The following NUDT3 variants were observed in gnomAD, a reference collection of about 807,000 sequenced individuals.
The protein encoded by NUDT3 is diphosphoinositol polyphosphate phosphohydrolase 1.
Under a neutral mutation model 23.6 loss-of-function variants are expected in NUDT3, and 9 were observed. The ratio of observed to expected loss-of-function variants is 0.38; its 90% confidence interval spans 0.23 to 0.66. The LOEUF is 0.66. Among genes scored for constraint, NUDT3 ranks in the 30% least tolerant of loss-of-function variants. The probability of loss-of-function intolerance (pLI) is 0.52; values close to 1 mark genes in which losing one functional copy is unlikely to be tolerated. For missense variants in NUDT3, 172 were observed against 218.5 expected (o/e 0.79, Z 1.34); for synonymous variants, 86 against 82.6 (o/e 1.04, Z -0.22).
At chr6:34,359,607 T>A (rs1343452414) in intron 1 of NUDT3, among the ~76,000 whole-genome samples, 1 of 152,226 alleles carries the variant, frequency 6.6e-6, no homozygotes, top group East Asian at 1.9e-4. Flanking sequence ...CACCACCTCA[T>A]TCCTTATAGC....
At chr6:34,306,149 T>C (rs945254789) in intron 2 of NUDT3, among the ~76,000 whole-genome samples, 3 of 152,252 alleles carry the variant, frequency 2.0e-5, no homozygotes, top group Non-Finnish European at 4.4e-5. Flanking sequence ...TGAGATGTTT[T>C]GAAGTCTTCA....
chr6:34,308,445 C>T (rs1334537587), intron 2 of NUDT3, among the ~76,000 whole-genome samples: 3 of 141,494 alleles, frequency 2.1e-5, no homozygotes, highest in African/African-American at 5.5e-5. Context: ...TGGGAGACAG[C>T]GTGAGATCGT....
intron 1 of NUDT3, among the ~76,000 whole-genome samples, chr6:34,373,970 A>G (rs1230689602): frequency 6.6e-6 from 1 of 152,092 alleles, no homozygotes; most frequent in Non-Finnish European, 1.5e-5. Context: ...CCTGGCCAAC[A>G]TGGTGAAACC....
At chr6:34,354,765 T>C (rs1465377477) in intron 1 of NUDT3, among the ~76,000 whole-genome samples, 2 of 136,276 alleles carry the variant, frequency 1.5e-5, no homozygotes, top group Non-Finnish European at 3.3e-5. Context: ...ATTTACTTTA[T>C]ATTTGTATTT....
chr6:34,288,695 G>C lies in NUDT3; in HGVS notation c.*58C>G. 6.4e-7 allele frequency: 1 copy of C among 1,554,950 alleles called. No individual in the cohort carries two copies. Among genetic ancestry groups the C allele is most frequent in the East Asian group, 2.3e-5 (1 of 43,436 alleles). On this transcript the variant is annotated 3_prime_UTR_variant, in exon 5 of 5. Coordinates refer to ENST00000607016, the MANE Select transcript of NUDT3 (RefSeq NM_006703.4). ...AAGTGGAAAGAGCCAGGGTGAGAGGGAAGATTTGCACTTCAGTCTAGTTTC... is the reference window on the plus strand; with the variant it reads ...AAGTGGAAAGAGCCAGGGTGAGAGGCAAGATTTGCACTTCAGTCTAGTTTC...
At position 34,286,468 on chromosome 6, in the gene NUDT3, T is replaced by C. The variant is rs1340373972; in HGVS notation, c.*2285A>G. On this transcript the variant is annotated 3_prime_UTR_variant, in exon 5 of 5. Transcript: ENST00000607016. Reference sequence around the variant, plus strand: ...TAAAGGTAGAATTTATCTGGAAGAATGTGTTTTTTGAATTCCACCTGGCAC... The same window carrying C: ...TAAAGGTAGAATTTATCTGGAAGAACGTGTTTTTTGAATTCCACCTGGCAC... 1 of 152,236 alleles carries C rather than the reference T, an allele frequency of 6.6e-6. No individual in the cohort carries two copies. The highest frequency in any genetic ancestry group is 2.4e-5 in the African/African-American group (1 of 41,460). 9.4% of individuals were successfully genotyped at this position (152,236 alleles called of 1,614,324 possible). A position where few individuals can be genotyped will look rare whatever the true frequency, so the allele number is the denominator to read the frequency against.
At chr6:34,337,289 G>A (rs927691819) in intron 2 of NUDT3, among the ~76,000 whole-genome samples, 3 of 152,178 alleles carry the variant, frequency 2.0e-5, no homozygotes, top group Non-Finnish European at 4.4e-5. Context: ...CTTTAAGGCT[G>A]AGAACGGCAG....
intron 2 of NUDT3, among the ~76,000 whole-genome samples, chr6:34,331,490 A>G (rs1764127998): frequency 6.6e-6 from 1 of 152,214 alleles, no homozygotes; most frequent in African/African-American, 2.4e-5. Flanking sequence ...ATCTAAGCAG[A>G]TATCACCAAC....
intron 1 of NUDT3, among the ~76,000 whole-genome samples, chr6:34,348,926 C>T (rs193091543): frequency 1.0e-3 from 151 of 151,538 alleles, no homozygotes; most frequent in Admixed American, 1.6e-3. Context: ...GTGGTGCAAT[C>T]GTGGCTTACT....
intron 1 of NUDT3, among the ~76,000 whole-genome samples, chr6:34,377,465 C>T (rs1279964853): frequency 6.6e-6 from 1 of 151,916 alleles, no homozygotes. Flanking sequence ...TCCTTGATAC[C>T]CCCAACATTT....
At chr6:34,352,121 G>C (rs1365393550) in intron 1 of NUDT3, among the ~76,000 whole-genome samples, 2 of 152,152 alleles carry the variant, frequency 1.3e-5, no homozygotes, top group African/African-American at 4.8e-5. Flanking sequence ...GCCAAATAAA[G>C]TGAATGAAAT....
intron 1 of NUDT3, among the ~76,000 whole-genome samples, chr6:34,358,067 C>A (rs190446061): frequency 1.3e-5 from 2 of 152,106 alleles, no homozygotes; most frequent in Non-Finnish European, 2.9e-5. Flanking sequence ...ACTACCTATT[C>A]GGTTCTATTG....
Position 34,288,829 on chromosome 6 carries a change from G to A in NUDT3, c.443C>T (p.Ser148Leu), listed in dbSNP as rs371738653. ...CACGACTGGGGTGCCATTGTTGGCT[G>A]AGTAGCCTTGCCTCAATGTTTCAAA... is the stretch of plus-strand genomic sequence containing the variant. ...SYFETLRQGY[S>L]ANNGTPVVAT... Residue 148 changes from serine to leucine, a missense_variant, in exon 5 of 5, where the codon TCA (serine) becomes TTA (leucine). Physicochemically the swap from Ser to Leu is moderately radical, Grantham distance 145 (BLOSUM62 -2). Transcript: ENST00000607016. 3.1e-6 allele frequency: 5 copies of A among 1,614,142 alleles called. No individual in the cohort carries two copies. The Admixed American group carries it at 5.0e-5, about 16-fold the overall frequency.
intron 2 of NUDT3, among the ~76,000 whole-genome samples, chr6:34,316,350 G>A (rs1172521987): frequency 6.6e-6 from 1 of 152,098 alleles, no homozygotes; most frequent in Admixed American, 6.6e-5. Flanking sequence ...AACAAAAATG[G>A]AGCCAAATGA....
At chr6:34,391,047 A>G (rs1311213373) in intron 1 of NUDT3, among the ~76,000 whole-genome samples, 3 of 152,158 alleles carry the variant, frequency 2.0e-5, no homozygotes, top group African/African-American at 4.8e-5. Flanking sequence ...GGGAGCACAC[A>G]TGGGATCCCT....
intron 1 of NUDT3, among the ~76,000 whole-genome samples, chr6:34,344,730 C>T (rs1389429947): frequency 6.6e-6 from 1 of 151,968 alleles, no homozygotes; most frequent in South Asian, 2.1e-4. Flanking sequence ...TGGCTCACTG[C>T]AAGCTCTGCT....
At chr6:34,288,974 G>C (rs1561896066) in intron 4 of NUDT3, 43 bp from the exon 5 acceptor site, 1 of 1,531,942 alleles carries the variant, frequency 6.5e-7, no homozygotes, top group Non-Finnish European at 8.7e-7. Flanking sequence ...AGAGTAATAA[G>C]GTTTCTGAGC....
chr6:34,351,408 C>T (rs1169509896), intron 1 of NUDT3, among the ~76,000 whole-genome samples: 1 of 142,854 alleles, frequency 7.0e-6, no homozygotes, highest in Non-Finnish European at 1.5e-5. Context: ...GCACTGCACT[C>T]CATCCTAGGC....
chr6:34,312,763 G>A (rs559470646), intron 2 of NUDT3, among the ~76,000 whole-genome samples: 194 of 152,336 alleles, frequency 1.3e-3, no homozygotes, highest in African/African-American at 4.4e-3. Context: ...AGCAACGTCC[G>A]AGTCCACGAT....
Sources: allele counts gnomAD v4.1 joint callset (sites outside exome capture counted in the v4.1 genomes callset), GRCh38; gene constraint gnomAD v4.1.1; transcripts MANE v1.5; gene names NCBI Gene and HGNC (gene_info 2026-07-23, HGNC 2026-07-21).